LMX1B: variants seen among roughly 807,000 people sequenced by gnomAD.
LMX1B encodes LIM homeobox transcription factor 1 beta, also known as LIM homeobox transcription factor 1-beta.
A neutral mutation model predicts 51.4 loss-of-function variants in LMX1B; 12 were observed. The ratio of observed to expected loss-of-function variants is 0.23; its 90% CI spans 0.15 to 0.38. LMX1B has a LOEUF of 0.38. Ranked by LOEUF, LMX1B falls within the 10% of genes least tolerant of loss-of-function variation. The probability of loss-of-function intolerance (pLI) is 1.00; values close to 1 mark genes in which losing one functional copy is unlikely to be tolerated. For synonymous variants in LMX1B, 237 were observed against 235.4 expected, an observed-to-expected ratio of 1.01 and a Z score of -0.06; for missense variants, 445 against 571.1, an observed-to-expected ratio of 0.78 and a Z score of 2.25.
At chr9:126,621,893 A>G (rs1300063397) in intron 2 of LMX1B, among the ~76,000 whole-genome samples, 1 of 152,092 alleles carries the variant, frequency 6.6e-6, no homozygotes, top group Admixed American at 6.5e-5. Flanking sequence ...CTGTGCTCGG[A>G]ATGGCAACTT....
Position 126,663,921 on chromosome 9 carries a change from A to G in LMX1B, c.327-26915A>G, listed in dbSNP as rs200798515. Among the ~76,000 whole-genome samples the G allele has an allele frequency of 2.0e-5, 3 of 152,206 alleles. No homozygotes were observed. In the East Asian group the frequency reaches 5.8e-4, roughly 29 times the overall value. On this transcript the variant is annotated intron_variant, in intron 2 of 7. Coordinates refer to ENST00000373474, the MANE Select transcript of LMX1B (RefSeq NM_001174147.2). ...AATCCCGGGGGCCTCTCTGCCTCCC[A>G]GTATGGGGCTATTTTTAGCCAGGTG...
At chr9:126,659,323 G>A (rs1293259343) in intron 2 of LMX1B, among the ~76,000 whole-genome samples, 1 of 152,254 alleles carries the variant, frequency 6.6e-6, no homozygotes, top group Non-Finnish European at 1.5e-5. Context: ...TCTCCCAGCT[G>A]GGCTGGGAAG....
intron 2 of LMX1B, among the ~76,000 whole-genome samples, chr9:126,621,655 C>CTTTTTTTTTTT (rs71377950): frequency 1.7e-5 from 2 of 116,902 alleles, no homozygotes; most frequent in African/African-American, 8.0e-5. Context: ...TCTCTCTCTT[C>CTTTTTTTTTTT]TTTTTTTTTT....
In LMX1B at chr9:126,625,802, G is replaced by C. The variant is rs369937789; in HGVS notation, c.326+10233G>C. Among the ~76,000 whole-genome samples, 103 of 152,286 alleles carry C rather than the reference G, an allele frequency of 6.8e-4. No homozygotes were observed. The highest frequency in any genetic ancestry group is 2.3e-3 in the African/African-American group (95 of 41,566). ...AGCCCTGTCTGCCGACTGGCCCTTCGACGTCGCCGCCGTGCCTGAGCCCCG... is the reference window on the plus strand; with the variant it reads ...AGCCCTGTCTGCCGACTGGCCCTTCCACGTCGCCGCCGTGCCTGAGCCCCG... On this transcript the variant is annotated intron_variant, in intron 2 of 7. Coordinates refer to ENST00000373474, the MANE Select transcript of LMX1B (RefSeq NM_001174147.2). This position sits in a 1 kb window ranked among gnomAD's most constrained non-coding sequence, Gnocchi z 5.3.
At chr9:126,678,335 A>ATAAC (rs796867105) in intron 2 of LMX1B, among the ~76,000 whole-genome samples, 7 of 141,318 alleles carry the variant, frequency 5.0e-5, no homozygotes, top group African/African-American at 2.0e-4. Flanking sequence ...AAAACAAAAA[A>ATAAC]AAAAAACAAA....
intron 2 of LMX1B, among the ~76,000 whole-genome samples, chr9:126,675,735 TAA>T (rs60919726): frequency 2.2e-5 from 2 of 91,172 alleles, no homozygotes. Flanking sequence ...AAAAAAAAAT[TAA>T]AAAAAAAAAA....
At chr9:126,651,296 C>CT (rs67559361) in intron 2 of LMX1B, among the ~76,000 whole-genome samples, 22,395 of 150,626 alleles carry the variant, frequency 0.15, 2,180 homozygotes, top group South Asian at 0.23. Context: ...GAAGGAGGGA[C>CT]TGGGGGGGGT....
intron 2 of LMX1B, among the ~76,000 whole-genome samples, chr9:126,621,338 AG>A (rs1835406529): frequency 6.6e-6 from 1 of 152,242 alleles, no homozygotes; most frequent in Non-Finnish European, 1.5e-5. Flanking sequence ...TGGCTGACCC[AG>A]CCGGAAGTTC....
Position 126,641,087 on chromosome 9 carries a change from C to T in LMX1B, c.326+25518C>T, listed in dbSNP as rs2118881442. 1 of 152,472 alleles carries T rather than the reference C, an allele frequency of 6.6e-6. No homozygotes were observed. The highest frequency in any genetic ancestry group is 2.1e-4 in the South Asian group (1 of 4,818). 9.4% of individuals were successfully genotyped at this position (152,472 alleles called of 1,614,324 possible). On this transcript the variant is annotated intron_variant, in intron 2 of 7. Coordinates refer to ENST00000373474, the MANE Select transcript of LMX1B (RefSeq NM_001174147.2). This position sits in a 1 kb window ranked among gnomAD's most constrained non-coding sequence, Gnocchi z 4.1. Reference sequence around the variant, plus strand: ...GAGTACACCGAGTTTCTCCACGAGGCACAGAGCTGAGTAGGCAACCTGGCA... The same window carrying T: ...GAGTACACCGAGTTTCTCCACGAGGTACAGAGCTGAGTAGGCAACCTGGCA...
intron 2 of LMX1B, among the ~76,000 whole-genome samples, chr9:126,642,412 C>G (rs1211626029): frequency 6.6e-6 from 1 of 152,168 alleles, no homozygotes; most frequent in Non-Finnish European, 1.5e-5. Context: ...GTGCTATCAC[C>G]AGAGCTTCAG....
intron 2 of LMX1B, among the ~76,000 whole-genome samples, chr9:126,654,120 C>G (rs1320495156): frequency 2.6e-5 from 4 of 152,230 alleles, no homozygotes. Context: ...TCTCCACTCT[C>G]TGTGTTTGTT....
intron 2 of LMX1B, among the ~76,000 whole-genome samples, chr9:126,666,985 C>T (rs540159310): frequency 6.6e-6 from 1 of 152,194 alleles, no homozygotes. Flanking sequence ...CTCTTTTGTT[C>T]TCTGTATTTC....
chr9:126,690,952 G>A lies in LMX1B; in HGVS notation c.443G>A (p.Arg148Gln), dbSNP rs748017457. ...TGCTTCTGCTGCTGCGTGTGTGAACGGCAGCTACGCAAGGGCGACGAATTC... is the reference window on the plus strand; with the variant it reads ...TGCTTCTGCTGCTGCGTGTGTGAACAGCAGCTACGCAAGGGCGACGAATTC... Reference protein sequence around the residue: ...LGCFCCCVCERQLRKGDEFVL... With the variant: ...LGCFCCCVCEQQLRKGDEFVL... Residue 148 changes from arginine to glutamine, a missense_variant, in exon 3 of 8, where the codon CGG becomes CAG. Physicochemically the swap from Arg to Gln is conservative, Grantham distance 43. Coordinates refer to ENST00000373474, the MANE Select transcript of LMX1B (RefSeq NM_001174147.2). The A allele has an allele frequency of 6.8e-6, 11 of 1,614,042 alleles. No homozygotes were observed. Among genetic ancestry groups the A allele is most frequent in the Non-Finnish European group, 6.8e-6 (8 of 1,179,934 alleles).
intron 2 of LMX1B, among the ~76,000 whole-genome samples, chr9:126,659,317 C>A (rs560254033): frequency 6.6e-5 from 10 of 152,336 alleles, no homozygotes; most frequent in African/African-American, 2.2e-4. Context: ...TGACCCTCTC[C>A]CAGCTGGGCT....
chr9:126,640,382 T>G (rs1420615529), intron 2 of LMX1B, among the ~76,000 whole-genome samples: 1 of 152,170 alleles, frequency 6.6e-6, no homozygotes, highest in Admixed American at 6.5e-5. Context: ...TCCTACCCAG[T>G]CTGGGCAGCT....
intron 2 of LMX1B, among the ~76,000 whole-genome samples, chr9:126,689,814 C>T (rs189297597): frequency 6.6e-6 from 1 of 152,204 alleles, no homozygotes; most frequent in African/African-American, 2.4e-5. Context: ...CCCATGCGAC[C>T]CTGAGCAAGC....
intron 2 of LMX1B, among the ~76,000 whole-genome samples, chr9:126,665,961 C>G (rs1836336027): frequency 6.6e-6 from 1 of 152,256 alleles, no homozygotes; most frequent in Non-Finnish European, 1.5e-5. Context: ...CTGAGATGTG[C>G]TGGTGAACAA....
chr9:126,636,771 C>A (rs1199875631), intron 2 of LMX1B, among the ~76,000 whole-genome samples: 2 of 152,178 alleles, frequency 1.3e-5, no homozygotes, highest in Non-Finnish European at 2.9e-5. Context: ...GCTCACCCAG[C>A]ATCCGGCACA....
rs924506466 is a variant in LMX1B, at chr9:126,626,198, C to T, written c.326+10629C>T. Among the ~76,000 whole-genome samples the T allele has an allele frequency of 3.3e-5, 5 of 152,248 alleles. No homozygotes were observed. The highest frequency in any genetic ancestry group is 4.8e-5 in the African/African-American group (2 of 41,474). ...ATCCGCTCTGGAGTCCCCGTGCGCC[C>T]TGGCAGAGGTCGGGGACGCCAGAGT... On this transcript the variant is annotated intron_variant, in intron 2 of 7. Coordinates refer to ENST00000373474, the MANE Select transcript of LMX1B (RefSeq NM_001174147.2). This position sits in a 1 kb window ranked among gnomAD's most constrained non-coding sequence, Gnocchi z 4.3.
Sources: allele counts gnomAD v4.1 joint callset (sites outside exome capture counted in the v4.1 genomes callset), GRCh38; gene constraint gnomAD v4.1.1; non-coding constraint Gnocchi (gnomAD v3.1); transcripts MANE v1.5; gene names NCBI Gene and HGNC (gene_info 2026-07-23, HGNC 2026-07-21).